The following AHCTF1 variants were observed in gnomAD, a reference collection of about 807,000 sequenced individuals.
The protein encoded by AHCTF1 is AT-hook containing transcription factor 1, also known as protein ELYS.
AHCTF1 carries 24 observed loss-of-function variants against 248.4 expected under a neutral mutation model. The observed-to-expected ratio is 0.10, with a 90% CI of 0.07 to 0.14. AHCTF1 has a LOEUF of 0.14. Among genes scored for constraint, AHCTF1 ranks in the 10% least tolerant of loss-of-function variants. AHCTF1 has a pLI of 1.00. For missense variants in AHCTF1, 2,206 were observed against 2,636.2 expected, an observed-to-expected ratio of 0.84 and a Z score of 3.57; for synonymous variants, 786 against 929.8, an observed-to-expected ratio of 0.85 and a Z score of 2.81.
chr1:246,863,710 T>C (rs780900382), intron 27 of AHCTF1, among the ~76,000 whole-genome samples: 2 of 152,200 alleles, frequency 1.3e-5, no homozygotes, highest in Non-Finnish European at 2.9e-5. Context: ...CAGAACCCTA[T>C]ATTACCTTTA....
intron 26 of AHCTF1, among the ~76,000 whole-genome samples, chr1:246,864,964 G>A (rs924865587): frequency 6.7e-6 from 1 of 149,092 alleles, no homozygotes; most frequent in East Asian, 2.1e-4. Context: ...TGGTGACAAA[G>A]TACAACTTTA....
At chr1:246,919,589 T>G (rs1375838745) in intron 1 of AHCTF1, among the ~76,000 whole-genome samples, 1 of 151,764 alleles carries the variant, frequency 6.6e-6, no homozygotes, top group South Asian at 2.1e-4. Flanking sequence ...GGCACACACC[T>G]GTAGTCTCAC....
In AHCTF1 at chr1:246,903,657, C is replaced by CCT. The variant is rs1220475083; in HGVS notation, c.966+291_966+292insAG. ...AGCCTGGCCAAGATGGTGAGACCCCCCCCCCTCCGTCTCTGCTAAATATAC... is the reference window on the plus strand; with the variant it reads ...AGCCTGGCCAAGATGGTGAGACCCCCCTCCCCCTCCGTCTCTGCTAAATATAC... On this transcript the variant is annotated intron_variant, in intron 7 of 35. Transcript: ENST00000648844. Among the ~76,000 whole-genome samples, 24 of 115,344 alleles carry CCT rather than the reference C, an allele frequency of 2.1e-4. 1 individual carries two copies. Among genetic ancestry groups the CCT allele is most frequent in the African/African-American group, 8.4e-4 (24 of 28,488 alleles). 75.7% of individuals were successfully genotyped at this position (115,344 alleles called of 152,430 possible).
chr1:246,869,488 T>C (rs1340722806), intron 24 of AHCTF1, among the ~76,000 whole-genome samples: 1 of 152,130 alleles, frequency 6.6e-6, no homozygotes, highest in Non-Finnish European at 1.5e-5. Flanking sequence ...AATGGAGAAG[T>C]CAATGCCTGG....
Position 246,839,497 on chromosome 1 carries a change from T to A in AHCTF1, c.*1309A>T. 2 of 984,634 alleles carry A rather than the reference T, an allele frequency of 2.0e-6. No homozygotes were observed. Among genetic ancestry groups the A allele is most frequent in the South Asian group, 9.4e-5 (2 of 21,272 alleles). The allele number at this position is 984,634 out of a possible 1,614,324, so 61.0% of individuals were successfully genotyped here. A position where few individuals can be genotyped will look rare whatever the true frequency, so the allele number is the denominator to read the frequency against. ...AGTAATAAAATCAAAGTCAGTGAAATTTTCAACAAGGCAGCGTAACATCCA... is the reference window on the plus strand; with the variant it reads ...AGTAATAAAATCAAAGTCAGTGAAAATTTCAACAAGGCAGCGTAACATCCA... On this transcript the variant is annotated 3_prime_UTR_variant, in exon 36 of 36. Transcript: ENST00000648844.
chr1:246,845,712 A>T (rs938662296), intron 33 of AHCTF1, among the ~76,000 whole-genome samples: 17 of 152,306 alleles, frequency 1.1e-4, no homozygotes, highest in African/African-American at 4.1e-4. Flanking sequence ...TCTTGAGTGT[A>T]TGTCAATTCT....
At chr1:246,887,596 G>A (rs535116869) in intron 19 of AHCTF1, among the ~76,000 whole-genome samples, 34 of 152,282 alleles carry the variant, frequency 2.2e-4, no homozygotes, top group African/African-American at 8.2e-4. Flanking sequence ...CCACAAAGGA[G>A]ATAAAGCGTA....
intron 24 of AHCTF1, among the ~76,000 whole-genome samples, chr1:246,868,965 C>A (rs541792335): frequency 1.3e-5 from 2 of 150,540 alleles, no homozygotes; most frequent in Non-Finnish European, 3.0e-5. Flanking sequence ...CTGCCTCAGC[C>A]TGCTGAGTAG....
At chr1:246,865,648 A>G (rs1052827640) in intron 26 of AHCTF1, among the ~76,000 whole-genome samples, 1 of 152,244 alleles carries the variant, frequency 6.6e-6, no homozygotes, top group Non-Finnish European at 1.5e-5. Context: ...TTTATGTTTA[A>G]GGCACCTATT....
intron 26 of AHCTF1, chr1:246,864,424 C>A: frequency 4.3e-6 from 1 of 233,080 alleles, no homozygotes; most frequent in Non-Finnish European, 8.2e-6. Flanking sequence ...TGAAGATGAA[C>A]TGCCAATGAT....
At chr1:246,917,952 T>A (rs1666257588) in intron 2 of AHCTF1, among the ~76,000 whole-genome samples, 1 of 152,080 alleles carries the variant, frequency 6.6e-6, no homozygotes, top group Non-Finnish European at 1.5e-5. Flanking sequence ...ACTTCCTAAT[T>A]ATAAGGAAAA....
chr1:246,903,097 TA>T (rs1665119555), intron 7 of AHCTF1, among the ~76,000 whole-genome samples: 1 of 152,174 alleles, frequency 6.6e-6, no homozygotes, highest in South Asian at 2.1e-4. Context: ...ACTTCGCCCA[TA>T]AAAATGCAAC....
intron 32 of AHCTF1, among the ~76,000 whole-genome samples, chr1:246,852,740 T>A (rs1049617735): frequency 2.0e-5 from 3 of 152,184 alleles, no homozygotes; most frequent in African/African-American, 4.8e-5. Context: ...TTGGCTTTCA[T>A]GAAAACCAGT....
intron 1 of AHCTF1, 194 bp downstream of exon 1, chr1:246,931,384 G>A: frequency 2.0e-6 from 3 of 1,509,316 alleles, no homozygotes; most frequent in Non-Finnish European, 1.8e-6. Context: ...CCGCGAGCCT[G>A]CCGTACCCGC....
At chr1:246,920,382 T>C (rs1457564382) in intron 1 of AHCTF1, among the ~76,000 whole-genome samples, 11 of 151,674 alleles carry the variant, frequency 7.3e-5, no homozygotes, top group Admixed American at 7.2e-4. Context: ...AAATGAAAAA[T>C]TAAATAAAAA....
At chr1:246,925,560 C>T (rs1666867754) in intron 1 of AHCTF1, among the ~76,000 whole-genome samples, 1 of 152,178 alleles carries the variant, frequency 6.6e-6, no homozygotes, top group Non-Finnish European at 1.5e-5. Context: ...TTGTAGGTTG[C>T]AGTAAGCTAT....
Position 246,861,303 on chromosome 1 carries a change from G to GT in AHCTF1, c.3736-9dup, listed in dbSNP as rs1485695707. On this transcript the variant is annotated splice_polypyrimidine_tract_variant and intron_variant, in intron 28 of 35. Coordinates refer to ENST00000648844, the MANE Select transcript of AHCTF1 (RefSeq NM_001323342.2). Reference sequence around the variant, plus strand: ...TTTGCTATCATCTGCAGCCTGTAAAGTAAGATTTTGAAAAGAAAAAAATTA... The same window carrying GT: ...TTTGCTATCATCTGCAGCCTGTAAAGTTAAGATTTTGAAAAGAAAAAAATTA... 1 of 1,591,512 alleles carries GT rather than the reference G, an allele frequency of 6.3e-7. No homozygotes were observed. Among genetic ancestry groups the GT allele is most frequent in the East Asian group, 2.2e-5 (1 of 44,610 alleles).
At chr1:246,931,312 G>A (rs1426352614) in intron 1 of AHCTF1, 4 of 1,546,732 alleles carry the variant, frequency 2.6e-6, no homozygotes, top group Admixed American at 3.9e-5. Flanking sequence ...AACCACCAGC[G>A]CCGCTCCGCC....
intron 1 of AHCTF1, among the ~76,000 whole-genome samples, chr1:246,927,574 T>C (rs1667029161): frequency 6.6e-6 from 1 of 152,352 alleles, no homozygotes; most frequent in South Asian, 2.1e-4. Context: ...CGTTCAGTAC[T>C]GTACAAAATT....
Sources: allele counts gnomAD v4.1 joint callset (sites outside exome capture counted in the v4.1 genomes callset), GRCh38; gene constraint gnomAD v4.1.1; transcripts MANE v1.5; gene names NCBI Gene and HGNC (gene_info 2026-07-23, HGNC 2026-07-21).